The following ZFP82 variants were observed in gnomAD, a reference collection of about 807,000 sequenced individuals.
The protein encoded by ZFP82 is ZFP82 zinc finger protein, also known as zinc finger protein 82 homolog.
ZFP82 carries 30 observed loss-of-function variants against 54.0 expected under a neutral mutation model. The observed-to-expected ratio is 0.56, with a 90% CI of 0.42 to 0.75. The LOEUF (loss-of-function observed/expected upper bound fraction) is 0.75, where lower values mean the gene tolerates loss of function less well. Among genes scored for constraint, ZFP82 ranks in the 30% least tolerant of loss-of-function variants. ZFP82 has a pLI of 0.00. For missense variants in ZFP82, 500 were observed against 636.8 expected (o/e 0.79, Z 2.31); for synonymous variants, 194 against 209.5 (o/e 0.93, Z 0.64).
chr19:36,392,615 A>G lies in ZFP82; in HGVS notation c.*126T>C. ...CAGGTTTGAGTGATGATGGACTACA[A>G]TACATTGTCACACTCTTTTAATGGT... On this transcript the variant is annotated 3_prime_UTR_variant, in exon 5 of 5. Transcript: ENST00000392161. The G allele has an allele frequency of 1.3e-6, 1 of 797,442 alleles. No individual in the cohort carries two copies. Among genetic ancestry groups the G allele is most frequent in the Non-Finnish European group, 1.9e-6 (1 of 531,184 alleles). The allele number at this position is 797,442 out of a possible 1,614,324, so 49.4% of individuals were successfully genotyped here. A position where few individuals can be genotyped will look rare whatever the true frequency, so the allele number is the denominator to read the frequency against.
chr19:36,385,306 T>C (rs2032103243), downstream of ZFP82, among the ~76,000 whole-genome samples: 1 of 152,214 alleles, frequency 6.6e-6, no homozygotes, highest in Non-Finnish European at 1.5e-5. Flanking sequence ...TGTCAGCCTG[T>C]CAATCTTGGG....
chr19:36,405,083 C>A (rs771012799), intron 4 of ZFP82, among the ~76,000 whole-genome samples: 1 of 151,138 alleles, frequency 6.6e-6, no homozygotes, highest in Non-Finnish European at 1.5e-5. Context: ...ACTCAGAAGG[C>A]TGAGGCAGGA....
chr19:36,413,475 T>C (rs1049311985), intron 1 of ZFP82, among the ~76,000 whole-genome samples: 1 of 152,166 alleles, frequency 6.6e-6, no homozygotes, highest in Admixed American at 6.5e-5. Flanking sequence ...ACAAGTTGAA[T>C]AAATGATGTT....
At chr19:36,416,988 G>A (rs1002253754) in intron 1 of ZFP82, among the ~76,000 whole-genome samples, 27 of 141,904 alleles carry the variant, frequency 1.9e-4, no homozygotes, top group Non-Finnish European at 6.0e-5. Context: ...TATAAGAATC[G>A]CTTGAACCAC....
intron 4 of ZFP82, among the ~76,000 whole-genome samples, chr19:36,401,796 T>C (rs1302905313): frequency 6.6e-6 from 1 of 152,238 alleles, no homozygotes; most frequent in East Asian, 1.9e-4. Flanking sequence ...GCCGTCTTTG[T>C]TATTCCTCAG....
intron 4 of ZFP82, among the ~76,000 whole-genome samples, chr19:36,402,331 T>C (rs2032399896): frequency 6.6e-6 from 1 of 151,842 alleles, no homozygotes; most frequent in African/African-American, 2.4e-5. Context: ...TAGCCAGGCA[T>C]GGTGGCGGGC....
chr19:36,416,284 T>G (rs2032667438), intron 1 of ZFP82, among the ~76,000 whole-genome samples: 2 of 152,316 alleles, frequency 1.3e-5, no homozygotes, highest in South Asian at 4.1e-4. Flanking sequence ...CAGACTTTGA[T>G]TCTAGGCCAG....
intron 1 of ZFP82, among the ~76,000 whole-genome samples, chr19:36,411,721 C>T (rs1226445089): frequency 6.6e-6 from 1 of 151,808 alleles, no homozygotes; most frequent in Non-Finnish European, 1.5e-5. Context: ...AAAAATTAGC[C>T]GGGCATGGTG....
downstream of ZFP82, among the ~76,000 whole-genome samples, chr19:36,387,276 C>T (rs931026027): frequency 6.6e-6 from 1 of 152,102 alleles, no homozygotes; most frequent in South Asian, 2.1e-4. Flanking sequence ...AGAAGCCACG[C>T]TATAGTTTGA....
chr19:36,410,589 G>A (rs1746560378), intron 1 of ZFP82, among the ~76,000 whole-genome samples: 2 of 151,720 alleles, frequency 1.3e-5, no homozygotes, highest in Middle Eastern at 3.4e-3. Context: ...TGCAACCCCC[G>A]CCACCCGGGT....
At chr19:36,413,137 G>A (rs1207672563) in intron 1 of ZFP82, among the ~76,000 whole-genome samples, 1 of 152,186 alleles carries the variant, frequency 6.6e-6, no homozygotes, top group Non-Finnish European at 1.5e-5. Flanking sequence ...TATTGGCCAG[G>A]CATAGTGGCT....
At chr19:36,402,468 C>CAAAAAAAA (rs377338348) in intron 4 of ZFP82, among the ~76,000 whole-genome samples, 827 of 57,406 alleles carry the variant, frequency 0.014, 183 homozygotes, top group African/African-American at 0.057. Context: ...GACTCCATCT[C>CAAAAAAAA]AAAAAAAAAA....
chr19:36,405,029 CAA>C (rs2032455896), intron 4 of ZFP82, among the ~76,000 whole-genome samples: 1 of 151,758 alleles, frequency 6.6e-6, no homozygotes, highest in Non-Finnish European at 1.5e-5. Flanking sequence ...ACTAAAAATA[CAA>C]AAATTAGCCG....
chr19:36,385,173 T>C (rs2032102045), downstream of ZFP82, among the ~76,000 whole-genome samples: 1 of 152,116 alleles, frequency 6.6e-6, no homozygotes, highest in South Asian at 2.1e-4. Flanking sequence ...GGAATGGGTT[T>C]GTTATCACGT....
At chr19:36,412,259 T>C (rs537515956) in intron 1 of ZFP82, among the ~76,000 whole-genome samples, 1 of 152,356 alleles carries the variant, frequency 6.6e-6, no homozygotes, top group East Asian at 1.9e-4. Context: ...CAGGCATCAA[T>C]AGATATTGAT....
chr19:36,411,943 A>G (rs1271724401), intron 1 of ZFP82, among the ~76,000 whole-genome samples: 2 of 152,206 alleles, frequency 1.3e-5, no homozygotes, highest in Non-Finnish European at 2.9e-5. Flanking sequence ...CCATTTAAAA[A>G]ATGATAATGC....
At chr19:36,398,181 T>C (rs1391858563) in intron 4 of ZFP82, among the ~76,000 whole-genome samples, 1 of 152,110 alleles carries the variant, frequency 6.6e-6, no homozygotes, top group Non-Finnish European at 1.5e-5. Context: ...TTCTGAACAC[T>C]GAGGAAAAAA....
intron 1 of ZFP82, among the ~76,000 whole-genome samples, chr19:36,412,160 T>G (rs1600110691): frequency 6.6e-6 from 1 of 152,034 alleles, no homozygotes; most frequent in African/African-American, 2.4e-5. Context: ...TATAAAATAT[T>G]CAAGATATAT....
chr19:36,386,121 CTT>C (rs2032112123), downstream of ZFP82, among the ~76,000 whole-genome samples: 1 of 152,224 alleles, frequency 6.6e-6, no homozygotes, highest in Non-Finnish European at 1.5e-5. Context: ...TTCTGGCGCT[CTT>C]TGAGGCTGCC....
Sources: gnomAD v4.1 joint callset for allele counts (sites outside exome capture counted in the v4.1 genomes callset) on GRCh38, gnomAD v4.1.1 for gene constraint, MANE v1.5 for transcripts, NCBI Gene and HGNC (gene_info 2026-07-23, HGNC 2026-07-21) for gene names.